The following NANP variants were observed in gnomAD, a reference collection of about 807,000 sequenced individuals.
The protein encoded by NANP is N-acetylneuraminic acid phosphatase.
In NANP, 15 loss-of-function variants were observed where a neutral mutation model predicts 16.9. The ratio of observed to expected loss-of-function variants is 0.89; its 90% confidence interval spans 0.59 to 1.37. NANP has a LOEUF of 1.37. NANP is among the 40% of genes most tolerant of loss of function. The probability of loss-of-function intolerance (pLI) is 0.00; values close to 1 mark genes in which losing one functional copy is unlikely to be tolerated. For missense variants in NANP, 290 were observed against 303.5 expected (o/e 0.96, Z 0.33); for synonymous variants, 135 against 112.6 (o/e 1.20, Z -1.26).
At chr20:25,623,057 G>A (rs1251554466) in intron 1 of NANP, among the ~76,000 whole-genome samples, 1 of 152,248 alleles carries the variant, frequency 6.6e-6, no homozygotes, top group Non-Finnish European at 1.5e-5. Context: ...GAAGAGGACG[G>A]GGCGCTCAGG....
intron 1 of NANP, among the ~76,000 whole-genome samples, chr20:25,620,512 GCTAA>G (rs1397148134): frequency 6.6e-6 from 1 of 152,212 alleles, no homozygotes; most frequent in Non-Finnish European, 1.5e-5. Flanking sequence ...CTTTAGTTTA[GCTAA>G]CTGATTTTAA....
chr20:25,615,889 G>T lies in NANP; in HGVS notation c.*36C>A, dbSNP rs748641584. The stretch of plus-strand genomic sequence containing the variant: ...TTTCTTATTTCATACTCAGCAAATT[G>T]ATTCTAACATTCATAATCATGCCCT... On this transcript the variant is annotated 3_prime_UTR_variant, in exon 2 of 2. Coordinates refer to ENST00000304788, the MANE Select transcript of NANP (RefSeq NM_152667.3). 6.5e-7 allele frequency: 1 copy of T among 1,546,034 alleles called. No individual in the cohort carries two copies. The highest frequency in any genetic ancestry group is 8.7e-7 in the Non-Finnish European group (1 of 1,145,762).
Position 25,614,197 on chromosome 20 carries a change from A to G in NANP, c.*1728T>C. ...TTCTGTTTCTTGGCAGTAGACAGAA[A>G]ACTGGCTAAAGAAATAGGCTCACAG... On this transcript the variant is annotated 3_prime_UTR_variant, in exon 2 of 2. Coordinates refer to ENST00000304788, the MANE Select transcript of NANP (RefSeq NM_152667.3). The G allele has an allele frequency of 5.1e-6, 1 of 194,180 alleles. No homozygotes were observed. Among genetic ancestry groups the G allele is most frequent in the Non-Finnish European group, 1.0e-5 (1 of 96,150 alleles). 12.0% of individuals were successfully genotyped at this position (194,180 alleles called of 1,614,324 possible). A position where few individuals can be genotyped will look rare whatever the true frequency, so the allele number is the denominator to read the frequency against.
chr20:25,616,034 C>A lies in NANP; in HGVS notation c.638G>T (p.Gly213Val). The change falls in exon 2 of 2, where the codon GGA (glycine) becomes GTA (valine). Residue 213 changes from glycine to valine, a missense_variant. Transcript: ENST00000304788. ...TGGGGAGGACTTCAGTGGCACTATT[C>A]CATTTTTATTGATCCAGACTGTTGC... The part of the protein sequence containing the change: ...LKATVWINKN[G>V]IVPLKSSPVP... 1 of 1,614,162 alleles carries A rather than the reference C, an allele frequency of 6.2e-7. No homozygotes were observed. Among genetic ancestry groups the A allele is most frequent in the South Asian group, 1.1e-5 (1 of 91,078 alleles).
rs151130242 is a variant in NANP, at chr20:25,619,793, G to A, written c.91-3212C>T. ...CTCCACAGAGCTTGCGCTTAGATAC[G>A]GGCTGGCTCATAATCAGCTCCTATA... is the stretch of plus-strand genomic sequence containing the variant. On this transcript the variant is annotated intron_variant, in intron 1 of 1. Coordinates refer to ENST00000304788, the MANE Select transcript of NANP (RefSeq NM_152667.3). Among the ~76,000 whole-genome samples, 861 of 152,246 alleles carry A rather than the reference G, an allele frequency of 5.7e-3. 3 individuals are homozygous for A. Among genetic ancestry groups the A allele is most frequent in the Middle Eastern group, 0.034 (10 of 294 alleles).
In NANP at chr20:25,615,832, A is replaced by G; in HGVS notation, c.*93T>C. 8.1e-7 allele frequency: 1 copy of G among 1,230,320 alleles called. No homozygotes were observed. Among genetic ancestry groups the G allele is most frequent in the East Asian group, 2.4e-5 (1 of 42,400 alleles). The allele number at this position is 1,230,320 out of a possible 1,614,324, so 76.2% of individuals were successfully genotyped here. On this transcript the variant is annotated 3_prime_UTR_variant, in exon 2 of 2. Transcript: ENST00000304788. ...AAATCATAAGTAAAATTATTCTTAG[A>G]GCTGGATTATCATAAGTGGAGTGCC...
rs377049718 is a variant in NANP, at chr20:25,616,316, G to A, written c.356C>T (p.Thr119Ile). The change falls in exon 2 of 2, where the codon ACT (threonine) becomes ATT (isoleucine). Residue 119 changes from threonine to isoleucine, a missense_variant. Transcript: ENST00000304788. ...TLAEDVKAML[T>I]ELRKEVRLLL... ...TAGGCGGACCTCCTTTCGAAGTTCA[G>A]TAAGCATGGCTTTGACGTCTTCTGC... 6.2e-7 allele frequency: 1 copy of A among 1,614,140 alleles called. No homozygotes were observed. Among genetic ancestry groups the A allele is most frequent in the African/African-American group, 1.3e-5 (1 of 75,048 alleles).
intron 1 of NANP, among the ~76,000 whole-genome samples, chr20:25,621,805 G>A (rs1430216899): frequency 6.6e-6 from 1 of 152,162 alleles, no homozygotes; most frequent in Non-Finnish European, 1.5e-5. Context: ...TGCCCATCTC[G>A]GTCTCCCAAA....
chr20:25,616,077 G>A lies in NANP; in HGVS notation c.595C>T (p.Leu199Phe). 6.2e-7 allele frequency: 1 copy of A among 1,614,152 alleles called. No individual in the cohort carries two copies. The highest frequency in any genetic ancestry group is 8.5e-7 in the Non-Finnish European group (1 of 1,180,036). ...DTLETDIQGG[L>F]NAGLKATVWI... ...ACTGTTGCTTTCAATCCTGCATTGA[G>A]GCCTCCTTGGATGTCGGTTTCTAAT... The change falls in exon 2 of 2, where the codon CTC (leucine) becomes TTC (phenylalanine). Residue 199 changes from leucine (L) to phenylalanine (F), a missense_variant. By Grantham distance (22) the Leu-to-Phe change is conservative. Coordinates refer to ENST00000304788, the MANE Select transcript of NANP (RefSeq NM_152667.3).
At chr20:25,620,855 A>G (rs1487698605) in intron 1 of NANP, among the ~76,000 whole-genome samples, 1 of 151,712 alleles carries the variant, frequency 6.6e-6, no homozygotes, top group Non-Finnish European at 1.5e-5. Flanking sequence ...GAAGGTAGCC[A>G]GGAGGAGGTT....
Position 25,623,888 on chromosome 20 carries a change from C to G in NANP, c.61G>C (p.Ala21Pro). 6.2e-7 allele frequency: 1 copy of G among 1,613,676 alleles called. No homozygotes were observed. ...FDLDNTLIDT[A>P]GASRRGMLEV... Reference sequence around the variant, plus strand: ...AACATGCCTCTCCTGCTCGCCCCGGCCGTGTCGATGAGAGTGTTGTCCAAG... The same window carrying G: ...AACATGCCTCTCCTGCTCGCCCCGGGCGTGTCGATGAGAGTGTTGTCCAAG... The change falls in exon 1 of 2, where the codon GCC (alanine) becomes CCC (proline). Residue 21 changes from alanine to proline, a missense_variant. Physicochemically the swap from Ala to Pro is conservative, Grantham distance 27 (BLOSUM62 -1). Coordinates refer to ENST00000304788, the MANE Select transcript of NANP (RefSeq NM_152667.3).
At position 25,613,840 on chromosome 20, in the gene NANP, GA is replaced by G. The variant is rs2065331388; in HGVS notation, c.*2084del. The G allele has an allele frequency of 2.5e-6, 1 of 398,510 alleles. No individual in the cohort carries two copies. The highest frequency in any genetic ancestry group is 2.1e-5 in the African/African-American group (1 of 48,712). The allele number at this position is 398,510 out of a possible 1,614,324, so 24.7% of individuals were successfully genotyped here. ...TTTGCTACCATGATACAGGAGTGAT[GA>G]ACCTTCACTCTCAGCATAATGAATG... On this transcript the variant is annotated 3_prime_UTR_variant, in exon 2 of 2. Coordinates refer to ENST00000304788, the MANE Select transcript of NANP (RefSeq NM_152667.3).
At chr20:25,621,697 G>A (rs2065364825) in intron 1 of NANP, among the ~76,000 whole-genome samples, 3 of 152,184 alleles carry the variant, frequency 2.0e-5, no homozygotes, top group Admixed American at 2.0e-4. Context: ...TGGGACTACA[G>A]GCGCCCGCCA....
In NANP at chr20:25,623,912, A is replaced by G. The variant is rs146218811; in HGVS notation, c.37T>C (p.Leu13=). ...LSRVRAVFFD[L]DNTLIDTAGA... ...GCCGTGTCGATGAGAGTGTTGTCCA[A>G]GTCAAAGAAAACCGCCCGCACGCGG... The change falls in exon 1 of 2, where the codon TTG becomes CTG. Residue 13 remains leucine, a synonymous_variant. Coordinates refer to ENST00000304788, the MANE Select transcript of NANP (RefSeq NM_152667.3). 9.3e-6 allele frequency: 15 copies of G among 1,613,408 alleles called. No homozygotes were observed. In the South Asian group the frequency reaches 1.6e-4, roughly 18 times the overall value.
rs571696071 is a variant in NANP, at chr20:25,615,628, A to G, written c.*297T>C. On this transcript the variant is annotated 3_prime_UTR_variant, in exon 2 of 2. Coordinates refer to ENST00000304788, the MANE Select transcript of NANP (RefSeq NM_152667.3). ...GCCAAGATACTAAAAGATTAATAAC[A>G]TAATTTTAAAAAGCTCCAGATACAG... 7.7e-6 allele frequency: 2 copies of G among 259,562 alleles called. No individual in the cohort carries two copies. Among genetic ancestry groups the G allele is most frequent in the African/African-American group, 4.4e-5 (2 of 45,240 alleles). 16.1% of individuals were successfully genotyped at this position (259,562 alleles called of 1,614,324 possible).
Position 25,616,213 on chromosome 20 carries a change from A to C in NANP, c.459T>G (p.Ala153=), listed in dbSNP as rs2065342801. The C allele has an allele frequency of 1.9e-6, 3 of 1,614,038 alleles. No homozygotes were observed. Among genetic ancestry groups the C allele is most frequent in the Admixed American group, 1.7e-5 (1 of 59,994 alleles). Residue 153 remains alanine (A), a synonymous_variant, in exon 2 of 2, where the codon GCT becomes GCG. Coordinates refer to ENST00000304788, the MANE Select transcript of NANP (RefSeq NM_152667.3). ...CTCTCTGCTCTCCACCTACAACAAC[A>C]GCGTCAAAATAGGACTGACAGGCAC... ...EACACQSYFD[A]VVVGGEQREE... is the part of the protein sequence containing the mutation.
chr20:25,621,627 T>A (rs561478137), intron 1 of NANP, among the ~76,000 whole-genome samples: 4 of 152,338 alleles, frequency 2.6e-5, no homozygotes, highest in African/African-American at 9.6e-5. Flanking sequence ...CGATCTCGGC[T>A]CACTGCAAGC....
chr20:25,623,819 C>G (rs779782637), intron 1 of NANP, 40 bp downstream of exon 1: 2 of 1,569,052 alleles, frequency 1.3e-6, no homozygotes, highest in South Asian at 2.3e-5. Flanking sequence ...GCGGGGCGCA[C>G]TGACCCCGCC....
At chr20:25,623,529 C>T (rs544711690) in intron 1 of NANP, among the ~76,000 whole-genome samples, 1 of 152,250 alleles carries the variant, frequency 6.6e-6, no homozygotes, top group Non-Finnish European at 1.5e-5. Flanking sequence ...CCTGGTCTCG[C>T]GGCTTTGCTG....
Sources: gnomAD v4.1 joint callset for allele counts (sites outside exome capture counted in the v4.1 genomes callset) on GRCh38, gnomAD v4.1.1 for gene constraint, MANE v1.5 for transcripts, NCBI Gene and HGNC (gene_info 2026-07-23, HGNC 2026-07-21) for gene names.